The following RPF1 variants were observed in gnomAD, a reference collection of about 807,000 sequenced individuals.
RPF1 encodes ribosome production factor 1 homolog, also known as ribosome production factor 1.
RPF1 carries 34 observed loss-of-function variants against 41.9 expected under a neutral mutation model. That is an observed-to-expected ratio of 0.81 (90% CI 0.62 to 1.08). RPF1 has a LOEUF of 1.08. RPF1 is among the 50% of genes least tolerant of loss of function. The probability of loss-of-function intolerance (pLI) is 0.00; values close to 1 mark genes in which losing one functional copy is unlikely to be tolerated. For missense variants in RPF1, 425 were observed against 435.2 expected (o/e 0.98, Z 0.21); for synonymous variants, 140 against 148.9 (o/e 0.94, Z 0.43).
chr1:84,487,339 T>C (rs1681754587), intron 3 of RPF1, among the ~76,000 whole-genome samples: 1 of 152,232 alleles, frequency 6.6e-6, no homozygotes, highest in African/African-American at 2.4e-5. Context: ...TAAAAGGCTG[T>C]CTCATTGTGG....
chr1:84,492,442 G>A (rs1184919297), intron 5 of RPF1, among the ~76,000 whole-genome samples: 3 of 152,202 alleles, frequency 2.0e-5, no homozygotes, highest in African/African-American at 7.2e-5. Context: ...GTGGCTTTGA[G>A]TCAGGGCAGC....
At chr1:84,490,661 A>G (rs1398483779) in intron 5 of RPF1, among the ~76,000 whole-genome samples, 189 bp downstream of exon 5, 1 of 152,246 alleles carries the variant, frequency 6.6e-6, no homozygotes, top group Non-Finnish European at 1.5e-5. Flanking sequence ...TATCAGGCAC[A>G]TGCTACAGCC....
intron 5 of RPF1, among the ~76,000 whole-genome samples, chr1:84,493,596 AAAAC>A (rs1681875050): frequency 1.3e-5 from 2 of 152,086 alleles, no homozygotes; most frequent in East Asian, 3.9e-4. Flanking sequence ...TCAAAAAAAA[AAAAC>A]AAAAGAAAAA....
chr1:84,489,877 A>C, intron 4 of RPF1, 149 bp downstream of exon 4: 1 of 599,086 alleles, frequency 1.7e-6, no homozygotes, highest in Admixed American at 2.9e-5. Context: ...TGGTAATATG[A>C]TGTAGGTTTA....
chr1:84,482,144 A>G (rs1388254418), intron 2 of RPF1, among the ~76,000 whole-genome samples: 2 of 152,234 alleles, frequency 1.3e-5, no homozygotes, highest in Non-Finnish European at 2.9e-5. Flanking sequence ...TATTTGTTTC[A>G]TAGAGTAATA....
chr1:84,489,969 C>G (rs928571113), intron 4 of RPF1, among the ~76,000 whole-genome samples: 1 of 152,192 alleles, frequency 6.6e-6, no homozygotes, highest in Non-Finnish European at 1.5e-5. Context: ...TTATGGTGAG[C>G]TATCCTGTTC....
chr1:84,497,343 G>C, intron 8 of RPF1, 86 bp from the exon 9 acceptor site: 1 of 1,086,406 alleles, frequency 9.2e-7, no homozygotes, highest in Non-Finnish European at 1.4e-6. Flanking sequence ...AAGATCTAGG[G>C]ACGTTAACTT....
At position 84,497,574 on chromosome 1, in the gene RPF1, C is replaced by A. The variant is rs2101889130; in HGVS notation, c.*104C>A. On this transcript the variant is annotated 3_prime_UTR_variant, in exon 9 of 9. Coordinates refer to ENST00000370654, the MANE Select transcript of RPF1 (RefSeq NM_025065.7). ...TTTTCAAAATGGCATTTGCTGATTTCATAAACCTTTCACGTCTGGACGAAT... is the reference window on the plus strand; with the variant it reads ...TTTTCAAAATGGCATTTGCTGATTTAATAAACCTTTCACGTCTGGACGAAT... 1.2e-6 allele frequency: 1 copy of A among 808,596 alleles called. No individual in the cohort carries two copies. Among genetic ancestry groups the A allele is most frequent in the South Asian group, 2.0e-5 (1 of 49,702 alleles). 50.1% of individuals were successfully genotyped at this position (808,596 alleles called of 1,614,324 possible).
chr1:84,491,206 GTTA>G (rs1424785427), intron 5 of RPF1, among the ~76,000 whole-genome samples: 2 of 152,104 alleles, frequency 1.3e-5, no homozygotes, highest in Non-Finnish European at 2.9e-5. Flanking sequence ...ATCTAGGTTT[GTTA>G]TTATTGTTGC....
chr1:84,490,334 T>C lies in RPF1; in HGVS notation c.478T>C (p.Cys160Arg). The part of the protein sequence containing the change: ...DRPHGRTVRL[C>R]EQLSTVIPNS... ...TGTTTTGCAGAGAACAGTACGACTC[T>C]GTGAACAGCTCTCCACAGTTATACC... is the stretch of plus-strand genomic sequence containing the variant. Residue 160 changes from cysteine to arginine, a missense_variant, in exon 5 of 9, where the codon TGT (cysteine) becomes CGT (arginine). Transcript: ENST00000370654. The C allele has an allele frequency of 6.3e-7, 1 of 1,591,420 alleles. No homozygotes were observed. Among genetic ancestry groups the C allele is most frequent in the Non-Finnish European group, 8.5e-7 (1 of 1,173,128 alleles).
intron 3 of RPF1, among the ~76,000 whole-genome samples, chr1:84,486,519 C>T (rs965792003): frequency 2.9e-5 from 4 of 136,500 alleles, no homozygotes; most frequent in Non-Finnish European, 6.0e-5. Context: ...ACCCGGGAGG[C>T]GGAGCTTGCA....
rs1213157162 is a variant in RPF1 at position 84,497,706 on chromosome 1, CT to C, written c.*237del. Reference sequence around the variant, plus strand: ...ACTTAGTTCTCTTGTTTTTGGGTAACTGTGAATAATTAAGTTGGAATCAAGA... The same window carrying C: ...ACTTAGTTCTCTTGTTTTTGGGTAACGTGAATAATTAAGTTGGAATCAAGA... On this transcript the variant is annotated 3_prime_UTR_variant, in exon 9 of 9. Coordinates refer to ENST00000370654, the MANE Select transcript of RPF1 (RefSeq NM_025065.7). 3.1e-5 allele frequency: 12 copies of C among 388,072 alleles called. No individual in the cohort carries two copies. In the Admixed American group the frequency reaches 5.0e-4, roughly 16 times the overall value. The allele number at this position is 388,072 out of a possible 1,614,324, so 24.0% of individuals were successfully genotyped here.
chr1:84,488,853 GATTT>G (rs917023803), intron 3 of RPF1, among the ~76,000 whole-genome samples: 1 of 151,990 alleles, frequency 6.6e-6, no homozygotes, highest in African/African-American at 2.4e-5. Context: ...AACCAAATTG[GATTT>G]ATTAATTCTT....
At chr1:84,489,132 A>AT (rs1215236162) in intron 3 of RPF1, among the ~76,000 whole-genome samples, 4 of 151,940 alleles carry the variant, frequency 2.6e-5, no homozygotes, top group African/African-American at 9.7e-5. Context: ...CTCAATATAT[A>AT]TTTTTTCTAA....
chr1:84,496,432 G>GGAGA, intron 8 of RPF1, 62 bp downstream of exon 8: 2 of 1,434,232 alleles, frequency 1.4e-6, no homozygotes, highest in Non-Finnish European at 1.9e-6. Flanking sequence ...GAGGGTGGGA[G>GGAGA]GAGAGAGAGC....
intron 6 of RPF1, 49 bp from the exon 7 acceptor site, chr1:84,495,833 G>C: frequency 8.1e-7 from 1 of 1,231,558 alleles, no homozygotes; most frequent in Non-Finnish European, 1.1e-6. Flanking sequence ...GGGACGTATT[G>C]CCAATTAGCT....
chr1:84,489,640 A>C lies in RPF1; in HGVS notation c.374A>C (p.Tyr125Ser). Residue 125 changes from tyrosine to serine, a missense_variant, in exon 4 of 9, where the codon TAT becomes TCT. By Grantham distance (144) the Tyr-to-Ser change is moderately radical (BLOSUM62 -2). Coordinates refer to ENST00000370654, the MANE Select transcript of RPF1 (RefSeq NM_025065.7). ...TVDPNDEEVA[Y>S]DEATDEFASY... ...CCTCTTCTCTGTTCTCAGGTCGCTT[A>C]TGATGAAGCTACAGATGAATTTGCT... is the stretch of plus-strand genomic sequence containing the variant. 6.3e-7 allele frequency: 1 copy of C among 1,590,434 alleles called. No homozygotes were observed.
intron 3 of RPF1, among the ~76,000 whole-genome samples, chr1:84,486,369 C>T (rs781361717): frequency 5.9e-5 from 9 of 151,874 alleles, no homozygotes; most frequent in Non-Finnish European, 1.0e-4. Flanking sequence ...GGGTGGATCA[C>T]GAAGTTAGGA....
rs1171051796 is a variant in RPF1, at chr1:84,495,474, T to G, written c.699+19T>G. 9.7e-7 allele frequency: 1 copy of G among 1,034,830 alleles called. No individual in the cohort carries two copies. The highest frequency in any genetic ancestry group is 1.5e-6 in the Non-Finnish European group (1 of 677,038). 64.1% of individuals were successfully genotyped at this position (1,034,830 alleles called of 1,614,324 possible). A position where few individuals can be genotyped will look rare whatever the true frequency, so the allele number is the denominator to read the frequency against. ...AATTAAGGTAAGTTTTATACATTTC[T>G]TTGATTGGCATTGATCTCTTCACAA... On this transcript the variant is annotated intron_variant, in intron 6 of 8. Coordinates refer to ENST00000370654, the MANE Select transcript of RPF1 (RefSeq NM_025065.7).
Sources: allele counts gnomAD v4.1 joint callset (sites outside exome capture counted in the v4.1 genomes callset), GRCh38; gene constraint gnomAD v4.1.1; transcripts MANE v1.5; gene names NCBI Gene and HGNC (gene_info 2026-07-23, HGNC 2026-07-21).